The following TAF8 variants were observed in gnomAD, a reference collection of about 807,000 sequenced individuals.
The protein encoded by TAF8 is TATA-box binding protein associated factor 8.
A neutral mutation model predicts 36.5 loss-of-function variants in TAF8; 47 were observed. The observed-to-expected ratio is 1.29, with a 90% CI of 1.02 to 1.64. TAF8 has a LOEUF of 1.64. Among genes scored for constraint, TAF8 ranks in the 40% most tolerant of loss-of-function variants. TAF8 has a pLI of 0.00. For synonymous variants in TAF8, 175 were observed against 159.5 expected, an observed-to-expected ratio of 1.10 and a Z score of -0.73; for missense variants, 420 against 407.6, an observed-to-expected ratio of 1.03 and a Z score of -0.26.
chr6:42,070,511 T>A (rs1389140326), intron 7 of TAF8, among the ~76,000 whole-genome samples: 1 of 152,016 alleles, frequency 6.6e-6, no homozygotes, highest in African/African-American at 2.4e-5. Flanking sequence ...GAACTGAAAA[T>A]CAGTTCCTTA....
At chr6:42,052,838 C>A (rs532839966) in intron 2 of TAF8, among the ~76,000 whole-genome samples, 39 of 152,114 alleles carry the variant, frequency 2.6e-4, no homozygotes, top group Middle Eastern at 3.4e-3. Context: ...GGGTGCAATG[C>A]AGGCCCAATA....
At chr6:42,059,896 A>T (rs569001513) in intron 5 of TAF8, among the ~76,000 whole-genome samples, 1 of 152,154 alleles carries the variant, frequency 6.6e-6, no homozygotes, top group Non-Finnish European at 1.5e-5. Flanking sequence ...TAGGCTGTGA[A>T]GATGGGAAAA....
chr6:42,057,886 T>C (rs911509489), intron 5 of TAF8: 1 of 257,972 alleles, frequency 3.9e-6, no homozygotes, highest in African/African-American at 2.2e-5. Flanking sequence ...AAATTGAAGC[T>C]GGCCCCAGTA....
In TAF8 at chr6:42,057,520, G is replaced by T. The variant is rs1326798541; in HGVS notation, c.489+7G>T. On this transcript the variant is annotated splice_region_variant and intron_variant, in intron 5 of 8. Transcript: ENST00000372977. ...CACCTACATCAAAACTCCGGTGAGT[G>T]ATGAAGCACTGGGACTGCGCGTGGT... 1 of 1,614,028 alleles carries T rather than the reference G, an allele frequency of 6.2e-7. No homozygotes were observed. Among genetic ancestry groups the T allele is most frequent in the Non-Finnish European group, 8.5e-7 (1 of 1,180,036 alleles).
At chr6:42,064,865 G>A (rs1213607735) in intron 5 of TAF8, among the ~76,000 whole-genome samples, 3 of 145,294 alleles carry the variant, frequency 2.1e-5, no homozygotes, top group South Asian at 4.3e-4. Context: ...GCTGAGGCAG[G>A]AGAATGGCAT....
At chr6:42,054,462 C>T (rs1764905728) in intron 2 of TAF8, among the ~76,000 whole-genome samples, 1 of 152,146 alleles carries the variant, frequency 6.6e-6, no homozygotes, top group South Asian at 2.1e-4. Flanking sequence ...AAACTCTGTA[C>T]CCATAAACAA....
At chr6:42,051,184 ACCTTGGGTG>A (rs1764767527) in intron 1 of TAF8, 164 bp from the exon 2 acceptor site, 1 of 1,312,262 alleles carries the variant, frequency 7.6e-7, no homozygotes. Context: ...TATTTAAAGC[ACCTTGGGTG>A]CTCAATTTTT....
chr6:42,070,128 T>C (rs1025442460), intron 7 of TAF8, among the ~76,000 whole-genome samples: 1 of 151,980 alleles, frequency 6.6e-6, no homozygotes, highest in Non-Finnish European at 1.5e-5. Context: ...AGTCAGTGAG[T>C]ATAGACTTGT....
intron 4 of TAF8, among the ~76,000 whole-genome samples, chr6:42,056,885 C>T (rs753323306): frequency 3.7e-4 from 57 of 152,308 alleles, no homozygotes; most frequent in African/African-American, 1.3e-3. Context: ...GGATTACAGG[C>T]GTGAGCCACC....
chr6:42,086,672 T>C (rs750797655), downstream of TAF8: 27 of 1,549,084 alleles, frequency 1.7e-5, no homozygotes, highest in South Asian at 2.5e-4. Context: ...CTCCTGACAA[T>C]CCAAATAGAA....
intron 5 of TAF8, among the ~76,000 whole-genome samples, chr6:42,064,445 G>A (rs1005871237): frequency 1.3e-5 from 2 of 151,954 alleles, no homozygotes; most frequent in African/African-American, 2.4e-5. Flanking sequence ...AGTAGAGACC[G>A]GGTGTTACCA....
Position 42,076,954 on chromosome 6 carries a change from C to T in TAF8, c.781-146C>T, listed in dbSNP as rs139699841. ...AGCCCCTGCCTGGTCCTCGCTTCAT[C>T]GGGGCAGAGATAGGAATGTTGGAAA... On this transcript the variant is annotated intron_variant, in intron 7 of 8. Coordinates refer to ENST00000372977, the MANE Select transcript of TAF8 (RefSeq NM_138572.3). 5.6e-3 allele frequency: 5,719 copies of T among 1,029,756 alleles called. 31 individuals are homozygous for T. The highest frequency in any genetic ancestry group is 5.8e-3 in the Non-Finnish European group (4,210 of 725,738). 63.8% of individuals were successfully genotyped at this position (1,029,756 alleles called of 1,614,324 possible). A position where few individuals can be genotyped will look rare whatever the true frequency, so the allele number is the denominator to read the frequency against.
intron 8 of TAF8, 76 bp downstream of exon 8, chr6:42,077,315 C>T (rs1398308926): frequency 1.1e-5 from 17 of 1,548,100 alleles, no homozygotes; most frequent in South Asian, 2.4e-5. Flanking sequence ...GGAAGAGTCT[C>T]CTCAGTGGGG....
chr6:42,064,956 CAAA>C (rs59214523), intron 5 of TAF8, among the ~76,000 whole-genome samples: 78 of 73,702 alleles, frequency 1.1e-3, no homozygotes, highest in African/African-American at 2.4e-3. Context: ...GACTCTGTCT[CAAA>C]AAAAAAAAAA....
At position 42,078,349 on chromosome 6, in the gene TAF8, GT is replaced by G. The variant is rs1354723609; in HGVS notation, c.*807del. On this transcript the variant is annotated 3_prime_UTR_variant, in exon 9 of 9. Coordinates refer to ENST00000372977, the MANE Select transcript of TAF8 (RefSeq NM_138572.3). ...TGCTGTGCTTATTACAAGGAAGACT[GT>G]TTGTCCAGCGTGTATTTCAGGATAT... 30 of 832,172 alleles carry G rather than the reference GT, an allele frequency of 3.6e-5. No individual in the cohort carries two copies. Among genetic ancestry groups the G allele is most frequent in the Non-Finnish European group, 4.3e-5 (30 of 693,742 alleles). The allele number at this position is 832,172 out of a possible 1,614,324, so 51.5% of individuals were successfully genotyped here.
rs564108968 is a variant in TAF8 at position 42,058,748 on chromosome 6, C to G, written c.489+1235C>G. On this transcript the variant is annotated intron_variant, in intron 5 of 8. Coordinates refer to ENST00000372977, the MANE Select transcript of TAF8 (RefSeq NM_138572.3). Reference sequence around the variant, plus strand: ...CCACAAACCAGGTGACTTAGAACAACAGAAATTTATTGTCTCACAGTTCTG... The same window carrying G: ...CCACAAACCAGGTGACTTAGAACAAGAGAAATTTATTGTCTCACAGTTCTG... 2.6e-5 allele frequency among the ~76,000 whole-genome samples: 4 copies of G among 152,232 alleles called. No homozygotes were observed. The South Asian group carries it at 8.3e-4, about 32-fold the overall frequency.
Position 42,078,606 on chromosome 6 carries a change from CG to C in TAF8, c.*1065del. 1.0e-6 allele frequency: 1 copy of C among 985,394 alleles called. No homozygotes were observed. The highest frequency in any genetic ancestry group is 4.7e-5 in the South Asian group (1 of 21,278). 61.0% of individuals were successfully genotyped at this position (985,394 alleles called of 1,614,324 possible). On this transcript the variant is annotated 3_prime_UTR_variant, in exon 9 of 9. Coordinates refer to ENST00000372977, the MANE Select transcript of TAF8 (RefSeq NM_138572.3). The stretch of plus-strand genomic sequence containing the variant: ...ATCACTGTGAAGAAGAACGACATGT[CG>C]GGGCTGCACCTGTCCTCCCGTCGGC...
rs916622645 is a variant in TAF8 at position 42,062,830 on chromosome 6, G to A, written c.490-3482G>A. Among the ~76,000 whole-genome samples the A allele has an allele frequency of 7.9e-5, 12 of 151,872 alleles. No homozygotes were observed. In the East Asian group the frequency reaches 1.3e-3, roughly 17 times the overall value. On this transcript the variant is annotated intron_variant, in intron 5 of 8. Coordinates refer to ENST00000372977, the MANE Select transcript of TAF8 (RefSeq NM_138572.3). The stretch of plus-strand genomic sequence containing the variant: ...TTTGGGATTACAGGCATGAGCCACC[G>A]TGCCTGGCCAAGACAATCTTTAAAA...
chr6:42,079,129 T>TA lies in TAF8; in HGVS notation c.*1591dup, dbSNP rs1199156142. 7.2e-6 allele frequency: 7 copies of TA among 978,954 alleles called. No homozygotes were observed. Among genetic ancestry groups the TA allele is most frequent in the Non-Finnish European group, 8.5e-6 (7 of 824,620 alleles). The allele number at this position is 978,954 out of a possible 1,614,324, so 60.6% of individuals were successfully genotyped here. A position where few individuals can be genotyped will look rare whatever the true frequency, so the allele number is the denominator to read the frequency against. Reference sequence around the variant, plus strand: ...AGAGCGAGACTCCATTTCAAAAAAATAAAAAAAGGATAAAGTAAACAATAG... The same window carrying TA: ...AGAGCGAGACTCCATTTCAAAAAAATAAAAAAAAGGATAAAGTAAACAATAG... On this transcript the variant is annotated 3_prime_UTR_variant, in exon 9 of 9. Coordinates refer to ENST00000372977, the MANE Select transcript of TAF8 (RefSeq NM_138572.3).
Sources: allele counts gnomAD v4.1 joint callset (sites outside exome capture counted in the v4.1 genomes callset), GRCh38; gene constraint gnomAD v4.1.1; transcripts MANE v1.5; gene names NCBI Gene and HGNC (gene_info 2026-07-23, HGNC 2026-07-21).